Variants in PLXDC1 observed in about 807,000 individuals in gnomAD.
The protein encoded by PLXDC1 is plexin domain containing 1.
PLXDC1 carries 39 observed loss-of-function variants against 61.3 expected under a neutral mutation model. The ratio of observed to expected loss-of-function variants is 0.64; its 90% CI spans 0.49 to 0.83. The LOEUF is 0.83. Ranked by LOEUF, PLXDC1 falls within the 40% of genes least tolerant of loss-of-function variation. The pLI is 0.00. For synonymous variants in PLXDC1, 212 were observed against 254.5 expected (o/e 0.83, Z 1.59); for missense variants, 596 against 666.5 (o/e 0.89, Z 1.17).
At chr17:39,089,338 A>G (rs1452794558) in intron 7 of PLXDC1, among the ~76,000 whole-genome samples, 1 of 152,188 alleles carries the variant, frequency 6.6e-6, no homozygotes, top group East Asian at 1.9e-4. Flanking sequence ...AACTGTAACC[A>G]AGAGGCCTTT....
At chr17:39,093,087 G>A (rs754226708) in intron 7 of PLXDC1, among the ~76,000 whole-genome samples, 28 of 152,022 alleles carry the variant, frequency 1.8e-4, no homozygotes, top group African/African-American at 2.4e-4. Context: ...TGTTTTGTTC[G>A]AGACAGGGTC....
chr17:39,137,798 C>T lies in PLXDC1; in HGVS notation c.255+1856G>A, dbSNP rs554453074. Among the ~76,000 whole-genome samples the T allele has an allele frequency of 4.6e-5, 7 of 151,350 alleles. No individual in the cohort carries two copies. In the East Asian group the frequency reaches 5.9e-4, roughly 13 times the overall value. On this transcript the variant is annotated intron_variant, in intron 2 of 13. Coordinates refer to ENST00000315392, the MANE Select transcript of PLXDC1 (RefSeq NM_020405.5). Reference sequence around the variant, plus strand: ...GAGGGAGACAAAGGGGTTCCCAGGACGAACAGAAAGGGAGGCCCCAGGATG... The same window carrying T: ...GAGGGAGACAAAGGGGTTCCCAGGATGAACAGAAAGGGAGGCCCCAGGATG...
At chr17:39,090,183 A>G (rs907222194) in intron 7 of PLXDC1, among the ~76,000 whole-genome samples, 2 of 152,168 alleles carry the variant, frequency 1.3e-5, no homozygotes, top group Non-Finnish European at 2.9e-5. Context: ...GTCTGGCACC[A>G]AAGCATGCTC....
intron 2 of PLXDC1, among the ~76,000 whole-genome samples, chr17:39,117,370 C>T (rs1159742568): frequency 6.6e-6 from 1 of 152,152 alleles, no homozygotes; most frequent in Admixed American, 6.5e-5. Flanking sequence ...AACCCAAGAT[C>T]CCATTCCTAT....
At chr17:39,076,077 GAAAAAAAAAAAAAGAAAAA>G (rs753760641) in intron 11 of PLXDC1, among the ~76,000 whole-genome samples, 1 of 82,404 alleles carries the variant, frequency 1.2e-5, no homozygotes, top group Non-Finnish European at 2.3e-5. Context: ...GACTAAGTCT[GAAAAAAAAAAAAAGAAAAA>G]AAAAAAAAGA....
intron 2 of PLXDC1, among the ~76,000 whole-genome samples, chr17:39,128,505 C>T (rs1911426693): frequency 6.6e-6 from 1 of 151,290 alleles, no homozygotes; most frequent in Non-Finnish European, 1.5e-5. Flanking sequence ...CAGGCATGAG[C>T]CACAGCACCC....
At chr17:39,122,209 C>T (rs1157517754) in intron 2 of PLXDC1, among the ~76,000 whole-genome samples, 1 of 151,042 alleles carries the variant, frequency 6.6e-6, no homozygotes, top group East Asian at 2.0e-4. Context: ...TTGAGACCAG[C>T]CGGGCCAACA....
rs1331198010 is a variant in PLXDC1 at position 39,120,690 on chromosome 17, C to T, written c.256-11299G>A. Reference sequence around the variant, plus strand: ...GCCTCAGTCCTCGACCTCCAGGGCTCAAGTGATCCTTCCGCCTCAGCCTCT... The same window carrying T: ...GCCTCAGTCCTCGACCTCCAGGGCTTAAGTGATCCTTCCGCCTCAGCCTCT... On this transcript the variant is annotated intron_variant, in intron 2 of 13. Coordinates refer to ENST00000315392, the MANE Select transcript of PLXDC1 (RefSeq NM_020405.5). Among the ~76,000 whole-genome samples the T allele has an allele frequency of 2.0e-5, 3 of 147,818 alleles. No homozygotes were observed. In the East Asian group the frequency reaches 6.0e-4, roughly 30 times the overall value.
At position 39,069,900 on chromosome 17, in the gene PLXDC1, T is replaced by A. The variant is rs1909047025; in HGVS notation, c.1339A>T (p.Ile447Phe). The A allele has an allele frequency of 6.2e-7, 1 of 1,613,746 alleles. No individual in the cohort carries two copies. The highest frequency in any genetic ancestry group is 8.5e-7 in the Non-Finnish European group (1 of 1,179,854). Residue 447 changes from isoleucine (I) to phenylalanine (F), a missense_variant, in exon 13 of 14, where the codon ATC becomes TTC. By Grantham distance (21) the Ile-to-Phe change is conservative. Transcript: ENST00000315392. The stretch of plus-strand genomic sequence containing the variant: ...GCATTGGATGTGGGGTGGCCATTGA[T>A]GTAAATTCCAGCCAGGATGATGGCC... ...VAAIILAGIY[I>F]NGHPTSNAAL...
rs191943037 is a variant in PLXDC1 at position 39,103,989 on chromosome 17, T to A, written c.811+1865A>T. On this transcript the variant is annotated intron_variant, in intron 7 of 13. Coordinates refer to ENST00000315392, the MANE Select transcript of PLXDC1 (RefSeq NM_020405.5). ...TAGTCACAAAAGCTGCATGAAAGTGTGAAAGTGCTGTGGCGGCATCTGACC... is the reference window on the plus strand; with the variant it reads ...TAGTCACAAAAGCTGCATGAAAGTGAGAAAGTGCTGTGGCGGCATCTGACC... 1.9e-3 allele frequency among the ~76,000 whole-genome samples: 282 copies of A among 152,222 alleles called. 1 individual carries two copies. The highest frequency in any genetic ancestry group is 6.2e-3 in the African/African-American group (259 of 41,550).
chr17:39,117,925 TATTG>T (rs1190487785), intron 2 of PLXDC1, among the ~76,000 whole-genome samples: 2 of 152,156 alleles, frequency 1.3e-5, no homozygotes, highest in African/African-American at 4.8e-5. Flanking sequence ...CCATTGCCTG[TATTG>T]ATTGTCTCCA....
chr17:39,130,149 T>C (rs1332425333), intron 2 of PLXDC1, among the ~76,000 whole-genome samples: 1 of 152,110 alleles, frequency 6.6e-6, no homozygotes, highest in East Asian at 1.9e-4. Context: ...GGGTTTTCTT[T>C]TGGGTAATGA....
chr17:39,130,764 G>A (rs752298156), intron 2 of PLXDC1, among the ~76,000 whole-genome samples: 31 of 151,982 alleles, frequency 2.0e-4, no homozygotes, highest in Admixed American at 3.3e-4. Flanking sequence ...GTTTCACCAC[G>A]TTGGCCGGGT....
At chr17:39,093,260 C>G (rs1910022796) in intron 7 of PLXDC1, among the ~76,000 whole-genome samples, 1 of 152,022 alleles carries the variant, frequency 6.6e-6, no homozygotes, top group Non-Finnish European at 1.5e-5. Context: ...TTGGTAGAGA[C>G]AGGGTCTCCC....
intron 2 of PLXDC1, among the ~76,000 whole-genome samples, chr17:39,111,354 G>A (rs529208239): frequency 1.3e-5 from 2 of 152,274 alleles, no homozygotes; most frequent in Non-Finnish European, 2.9e-5. Flanking sequence ...GCATGGCCTC[G>A]GCTCACTGCA....
rs185172403 is a variant in PLXDC1 at position 39,128,735 on chromosome 17, G to C, written c.255+10919C>G. 5.9e-5 allele frequency among the ~76,000 whole-genome samples: 9 copies of C among 152,146 alleles called. No individual in the cohort carries two copies. The East Asian group carries it at 1.8e-3, about 30-fold the overall frequency. On this transcript the variant is annotated intron_variant, in intron 2 of 13. Transcript: ENST00000315392. ...GGAATTCAAAACAGATACTCGCCGG[G>C]TGCAGTGGCTCACGCCTGTAATCCC...
Position 39,107,447 on chromosome 17 carries a change from G to A in PLXDC1, c.671C>T (p.Ala224Val). 6.2e-7 allele frequency: 1 copy of A among 1,614,038 alleles called. No individual in the cohort carries two copies. The highest frequency in any genetic ancestry group is 8.5e-7 in the Non-Finnish European group (1 of 1,179,888). The change falls in exon 6 of 14, where the codon GCT becomes GTT. Residue 224 changes from alanine (A) to valine (V), a missense_variant. By Grantham distance (64) the Ala-to-Val change is moderately conservative. Coordinates refer to ENST00000315392, the MANE Select transcript of PLXDC1 (RefSeq NM_020405.5). ...GACAATGCGGCCGTCATGGTGCAGA[G>A]CTGCCTGGAAGGTGAAACTGCCCTT... ...EDKGSFTFQA[A>V]LHHDGRIVFA...
intron 5 of PLXDC1, 166 bp from the exon 6 acceptor site, chr17:39,107,691 C>T (rs555363669): frequency 1.8e-4 from 121 of 655,104 alleles, no homozygotes; most frequent in Admixed American, 4.2e-4. Flanking sequence ...TAAAGCAGCG[C>T]GGCTTCCAAG....
At chr17:39,092,672 G>A (rs1045951065) in intron 7 of PLXDC1, among the ~76,000 whole-genome samples, 8 of 152,200 alleles carry the variant, frequency 5.3e-5, no homozygotes, top group Non-Finnish European at 1.0e-4. Flanking sequence ...ATCGGAGAGG[G>A]GACGTTATTT....
Sources: gnomAD v4.1 joint callset for allele counts (sites outside exome capture counted in the v4.1 genomes callset) on GRCh38, gnomAD v4.1.1 for gene constraint, MANE v1.5 for transcripts, NCBI Gene and HGNC (gene_info 2026-07-23, HGNC 2026-07-21) for gene names.